IAH1: variants seen among roughly 807,000 people sequenced by gnomAD.
IAH1 encodes the protein isoamyl acetate hydrolyzing esterase 1 (putative).
In IAH1, 24 loss-of-function variants were observed where a neutral mutation model predicts 26.7. The observed-to-expected ratio is 0.90, with a 90% confidence interval of 0.65 to 1.26. The LOEUF (loss-of-function observed/expected upper bound fraction) is 1.26, where lower values mean the gene tolerates loss of function less well. Among genes scored for constraint, IAH1 ranks in the 50% most tolerant of loss-of-function variants. The pLI, the probability that IAH1 is intolerant of heterozygous loss-of-function variation, is 0.00. For missense variants in IAH1, 300 were observed against 299.9 expected (o/e 1.00, Z 0.00); for synonymous variants, 140 against 118.5 (o/e 1.18, Z -1.18).
chr2:9,495,204 C>T (rs2124968981), intron 6 of IAH1, among the ~76,000 whole-genome samples: 1 of 152,330 alleles, frequency 6.6e-6, no homozygotes, highest in Non-Finnish European at 1.5e-5. Flanking sequence ...ACTGTCCACC[C>T]TTGGGTGGGG....
the IAH1 span, among the ~76,000 whole-genome samples, chr2:9,511,903 G>A: frequency 6.6e-6 from 1 of 152,004 alleles, no homozygotes; most frequent in Non-Finnish European, 1.5e-5. Context: ...CCCAGGAGGC[G>A]GAGGTTGCTG....
At chr2:9,476,268 A>G (rs1325606314) in intron 2 of IAH1, among the ~76,000 whole-genome samples, 1 of 152,248 alleles carries the variant, frequency 6.6e-6, no homozygotes, top group Non-Finnish European at 1.5e-5. Flanking sequence ...CAGACAAATC[A>G]AGGAAATGGC....
chr2:9,501,263 T>A (rs1662986077), downstream of IAH1, among the ~76,000 whole-genome samples: 1 of 151,040 alleles, frequency 6.6e-6, no homozygotes, highest in South Asian at 2.1e-4. Flanking sequence ...AAAAAAAAAG[T>A]AAGAACAAGA....
intron 4 of IAH1, among the ~76,000 whole-genome samples, chr2:9,483,901 C>T (rs1013906248): frequency 3.1e-4 from 47 of 152,216 alleles, no homozygotes; most frequent in African/African-American, 1.1e-3. Context: ...TTAAGCTGTT[C>T]AGGCACACCG....
the IAH1 span, among the ~76,000 whole-genome samples, chr2:9,508,569 C>T: frequency 5.3e-5 from 8 of 152,168 alleles, no homozygotes; most frequent in Admixed American, 5.2e-4. Flanking sequence ...TCACTCATGT[C>T]CTTTTACAGT....
At chr2:9,508,042 C>T in the IAH1 span, among the ~76,000 whole-genome samples, 1 of 152,136 alleles carries the variant, frequency 6.6e-6, no homozygotes, top group Non-Finnish European at 1.5e-5. Context: ...TTTTGAAGAG[C>T]CCCAGAACTG....
the IAH1 span, among the ~76,000 whole-genome samples, chr2:9,511,285 C>T: frequency 6.6e-6 from 1 of 152,056 alleles, no homozygotes; most frequent in Admixed American, 6.6e-5. Flanking sequence ...CCCATCTCTA[C>T]TAAAAATACA....
At chr2:9,499,225 A>G (rs552106048), downstream of IAH1, among the ~76,000 whole-genome samples, 1 of 151,870 alleles carries the variant, frequency 6.6e-6, no homozygotes, top group Non-Finnish European at 1.5e-5. Context: ...TAAAATATCA[A>G]GGGAACAAAA....
chr2:9,485,504 A>C (rs561013473), intron 5 of IAH1: 1 of 152,444 alleles, frequency 6.6e-6, no homozygotes, highest in South Asian at 2.1e-4. Flanking sequence ...AAATACAAAA[A>C]TTAGCTGGGC....
chr2:9,505,475 G>C, the IAH1 span: 15 of 1,146,966 alleles, frequency 1.3e-5, no homozygotes, highest in Non-Finnish European at 7.5e-6. Context: ...ACCACCATCA[G>C]AGCCACCCTG....
downstream of IAH1, among the ~76,000 whole-genome samples, chr2:9,492,174 G>A (rs532594672): frequency 6.6e-6 from 1 of 152,334 alleles, no homozygotes; most frequent in South Asian, 2.1e-4. Context: ...TCATAGGAAG[G>A]CCACTATGAA....
chr2:9,479,795 C>CTT lies in IAH1; in HGVS notation c.284-1457_284-1456dup, dbSNP rs5829216. 5.8e-3 allele frequency among the ~76,000 whole-genome samples: 407 copies of CTT among 69,822 alleles called. 25 individuals carry two copies. The highest frequency in any genetic ancestry group is 0.026 in the East Asian group (22 of 832). The allele number at this position is 69,822 out of a possible 152,430, so 45.8% of individuals were successfully genotyped here. A position where few individuals can be genotyped will look rare whatever the true frequency, so the allele number is the denominator to read the frequency against. On this transcript the variant is annotated intron_variant, in intron 3 of 5. Transcript: ENST00000497473. ...TGTGTGCGGAGATTTCTGTGTATTG[C>CTT]TTTTTTTTTTTTTTTTTTTTTTTTT...
intron 3 of IAH1, among the ~76,000 whole-genome samples, chr2:9,478,930 C>T (rs1660983489): frequency 1.3e-5 from 2 of 152,156 alleles, no homozygotes; most frequent in African/African-American, 2.4e-5. Context: ...GTGCTATCGA[C>T]GAGAAAAATC....
At chr2:9,482,749 C>CA (rs1484910424) in intron 4 of IAH1, among the ~76,000 whole-genome samples, 1 of 152,206 alleles carries the variant, frequency 6.6e-6, no homozygotes, top group Non-Finnish European at 1.5e-5. Flanking sequence ...AATGCGTTCT[C>CA]AAGTCACAAA....
the IAH1 span, among the ~76,000 whole-genome samples, chr2:9,510,902 A>G: frequency 6.6e-6 from 1 of 152,364 alleles, no homozygotes; most frequent in East Asian, 1.9e-4. Context: ...GTAGGATTTT[A>G]TTTAATACTA....
At chr2:9,485,907 T>G (rs1661449882) in intron 5 of IAH1, 1 of 151,894 alleles carries the variant, frequency 6.6e-6, no homozygotes, top group Admixed American at 6.6e-5. Context: ...TGATGATATT[T>G]GAAGTACTCA....
downstream of IAH1, among the ~76,000 whole-genome samples, chr2:9,501,221 TGTAA>T (rs924669541): frequency 3.3e-5 from 5 of 150,946 alleles, no homozygotes; most frequent in Admixed American, 6.6e-5. Context: ...TCAAGAAAAA[TGTAA>T]GTAAGTGCAT....
intron 1 of IAH1, chr2:9,475,274 A>T: frequency 8.7e-7 from 1 of 1,151,722 alleles, no homozygotes; most frequent in Non-Finnish European, 1.2e-6. Flanking sequence ...CTCTTCTCAG[A>T]CAGGACTTGC....
At chr2:9,495,860 C>CTTT (rs34087915) in intron 6 of IAH1, among the ~76,000 whole-genome samples, 5 of 138,662 alleles carry the variant, frequency 3.6e-5, no homozygotes, top group African/African-American at 7.9e-5. Flanking sequence ...TACGTGTTAC[C>CTTT]TTTTTTTTTT....
Sources: allele counts gnomAD v4.1 joint callset (sites outside exome capture counted in the v4.1 genomes callset), GRCh38; gene constraint gnomAD v4.1.1; transcripts MANE v1.5; gene names NCBI Gene and HGNC (gene_info 2026-07-23, HGNC 2026-07-21).